The following SOX5 variants were observed in gnomAD, a reference collection of about 807,000 sequenced individuals.
SOX5 encodes SRY-box transcription factor 5.
In SOX5, 9 loss-of-function variants were observed where a neutral mutation model predicts 92.0. The ratio of observed to expected loss-of-function variants is 0.10; its 90% CI spans 0.06 to 0.17. The LOEUF is 0.17. SOX5 is among the 10% of genes least tolerant of loss of function. The pLI is 1.00. For synonymous variants in SOX5, 344 were observed against 336.3 expected (o/e 1.02, Z -0.25); for missense variants, 642 against 944.5 (o/e 0.68, Z 4.20).
chr12:24,434,190 A>C (rs1938952928), intron 1 of SOX5, among the ~76,000 whole-genome samples: 1 of 152,178 alleles, frequency 6.6e-6, no homozygotes, highest in South Asian at 2.1e-4. Flanking sequence ...TACAAATGAC[A>C]TCATGAGTGG....
At chr12:24,018,862 C>T (rs1953973034) in intron 4 of SOX5, among the ~76,000 whole-genome samples, 1 of 152,098 alleles carries the variant, frequency 6.6e-6, no homozygotes, top group African/African-American at 2.4e-5. Flanking sequence ...TCCCTGACTC[C>T]CAGTTCAGTG....
At chr12:23,839,422 C>T (rs2096484058) in intron 3 of SOX5, among the ~76,000 whole-genome samples, 1 of 152,026 alleles carries the variant, frequency 6.6e-6, no homozygotes, top group Admixed American at 6.6e-5. Context: ...CTTGGTAGAC[C>T]TTAGCCCTGA....
intron 3 of SOX5, among the ~76,000 whole-genome samples, chr12:23,764,575 T>A (rs2094654351): frequency 6.6e-6 from 1 of 152,066 alleles, no homozygotes; most frequent in African/African-American, 2.4e-5. Flanking sequence ...TACCTAAATA[T>A]GTATTTGAAT....
At chr12:24,422,373 T>C (rs1436336786) in intron 1 of SOX5, among the ~76,000 whole-genome samples, 3 of 152,144 alleles carry the variant, frequency 2.0e-5, no homozygotes, top group Non-Finnish European at 4.4e-5. Context: ...AGAAGTGATG[T>C]TTGTCACTTC....
chr12:23,684,034 C>G (rs957450728), intron 6 of SOX5, among the ~76,000 whole-genome samples: 2 of 151,836 alleles, frequency 1.3e-5, no homozygotes, highest in Admixed American at 1.3e-4. Flanking sequence ...AAGGGAAAAA[C>G]CTAAAGATAA....
chr12:23,787,799 T>C (rs1284447717), intron 3 of SOX5, among the ~76,000 whole-genome samples: 1 of 151,830 alleles, frequency 6.6e-6, no homozygotes, highest in Non-Finnish European at 1.5e-5. Flanking sequence ...AGTTGTAAAG[T>C]AAAATAAGGG....
chr12:23,637,269 C>T (rs1377621221), intron 8 of SOX5, among the ~76,000 whole-genome samples: 1 of 152,162 alleles, frequency 6.6e-6, no homozygotes, highest in Non-Finnish European at 1.5e-5. Flanking sequence ...CTTACTGCTG[C>T]CTTATCGAGT....
At chr12:24,336,760 C>G (rs1438122051) in intron 2 of SOX5, among the ~76,000 whole-genome samples, 1 of 152,086 alleles carries the variant, frequency 6.6e-6, no homozygotes, top group African/African-American at 2.4e-5. Context: ...ACTAAAATAT[C>G]TGAGAGGGAG....
At chr12:24,380,298 G>A (rs1306383693) in intron 1 of SOX5, among the ~76,000 whole-genome samples, 1 of 152,202 alleles carries the variant, frequency 6.6e-6, no homozygotes, top group African/African-American at 2.4e-5. Context: ...CCAGGGATCT[G>A]ATTAGCAATT....
At chr12:24,114,395 G>T (rs1181795334) in intron 4 of SOX5, among the ~76,000 whole-genome samples, 2 of 151,450 alleles carry the variant, frequency 1.3e-5, no homozygotes, top group South Asian at 2.1e-4. Context: ...TGGACAACAT[G>T]GTGAAACCCC....
At chr12:24,551,406 A>G (rs1212994458) in intron 1 of SOX5, among the ~76,000 whole-genome samples, 1 of 152,244 alleles carries the variant, frequency 6.6e-6, no homozygotes, top group Non-Finnish European at 1.5e-5. Context: ...GTGCAGTTTT[A>G]TGAAGATTTA....
At chr12:24,413,655 C>A (rs1435339163) in intron 1 of SOX5, among the ~76,000 whole-genome samples, 1 of 152,136 alleles carries the variant, frequency 6.6e-6, no homozygotes, top group Non-Finnish European at 1.5e-5. Context: ...GGAATTTAAC[C>A]AGGACACTAG....
At chr12:23,727,993 C>A (rs2093229227) in intron 6 of SOX5, among the ~76,000 whole-genome samples, 1 of 152,024 alleles carries the variant, frequency 6.6e-6, no homozygotes, top group African/African-American at 2.4e-5. Flanking sequence ...GAGTGGATTT[C>A]TACCATTAGG....
chr12:23,868,864 T>C (rs2096843275), intron 2 of SOX5, among the ~76,000 whole-genome samples: 1 of 152,140 alleles, frequency 6.6e-6, no homozygotes, highest in Admixed American at 6.5e-5. Context: ...GGATTTTTAT[T>C]AAGCAATTCG....
intron 3 of SOX5, among the ~76,000 whole-genome samples, chr12:23,828,297 A>T (rs1271368118): frequency 6.6e-6 from 1 of 152,186 alleles, no homozygotes; most frequent in African/African-American, 2.4e-5. Context: ...ATGTATTCAC[A>T]TTGTTAAGTG....
chr12:24,332,948 C>T (rs192046592), intron 2 of SOX5, among the ~76,000 whole-genome samples: 6 of 152,164 alleles, frequency 3.9e-5, no homozygotes, highest in Non-Finnish European at 7.4e-5. Flanking sequence ...ATCTGTTCAT[C>T]CTGCAAAGTA....
chr12:24,387,162 A>T (rs537675096), intron 1 of SOX5, among the ~76,000 whole-genome samples: 2 of 152,240 alleles, frequency 1.3e-5, no homozygotes, highest in Admixed American at 1.3e-4. Context: ...CGTCTTCAAC[A>T]TAAGTAGCCT....
At chr12:24,050,692 A>C (rs1957478562) in intron 4 of SOX5, among the ~76,000 whole-genome samples, 1 of 152,204 alleles carries the variant, frequency 6.6e-6, no homozygotes, top group South Asian at 2.1e-4. Context: ...CCTGCTCAGC[A>C]ACATACCAGA....
chr12:23,676,418 C>CT (rs1399092089), intron 6 of SOX5, among the ~76,000 whole-genome samples: 4 of 152,096 alleles, frequency 2.6e-5, no homozygotes, highest in Non-Finnish European at 5.9e-5. Flanking sequence ...TACTCAAGAA[C>CT]AAGTTTTTCC....
Sources: allele counts gnomAD v4.1 joint callset (sites outside exome capture counted in the v4.1 genomes callset), GRCh38; gene constraint gnomAD v4.1.1; transcripts MANE v1.5; gene names NCBI Gene and HGNC (gene_info 2026-07-23, HGNC 2026-07-21).